NRXN3: variants seen among roughly 807,000 people sequenced by gnomAD.
NRXN3 encodes the protein neurexin III.
NRXN3 carries 32 observed loss-of-function variants against 137.6 expected under a neutral mutation model. The observed-to-expected ratio is 0.23, with a 90% CI of 0.18 to 0.31. The LOEUF is 0.31. Ranked by LOEUF, NRXN3 falls within the 10% of genes least tolerant of loss-of-function variation. The pLI, the probability that NRXN3 is intolerant of heterozygous loss-of-function variation, is 1.00. For missense variants in NRXN3, 1,574 were observed against 2,062.5 expected (o/e 0.76, Z 4.59); for synonymous variants, 798 against 784.5 (o/e 1.02, Z -0.29).
intron 15 of NRXN3, among the ~76,000 whole-genome samples, chr14:79,172,567 A>AT (rs1338931047): frequency 6.6e-6 from 1 of 152,190 alleles, no homozygotes; most frequent in Non-Finnish European, 1.5e-5. Context: ...CTAGGAGTAC[A>AT]TTTAACAAGA....
intron 8 of NRXN3, among the ~76,000 whole-genome samples, chr14:78,793,230 A>C (rs1036695789): frequency 7.2e-5 from 11 of 152,290 alleles, no homozygotes; most frequent in East Asian, 1.9e-4. Flanking sequence ...TACTCCCCCC[A>C]AAAAATAAAA....
chr14:78,428,641 A>G (rs929690988), intron 4 of NRXN3, among the ~76,000 whole-genome samples: 3 of 152,134 alleles, frequency 2.0e-5, no homozygotes, highest in Non-Finnish European at 4.4e-5. Flanking sequence ...CCCAAGCTCT[A>G]CAGGGTGAGT....
At chr14:79,300,525 T>G (rs889175976) in intron 15 of NRXN3, among the ~76,000 whole-genome samples, 3 of 151,908 alleles carry the variant, frequency 2.0e-5, no homozygotes, top group Non-Finnish European at 4.4e-5. Flanking sequence ...TGCCAGTTGG[T>G]TCTGGTTATT....
chr14:78,904,479 G>A (rs780917046), intron 10 of NRXN3, among the ~76,000 whole-genome samples: 7 of 151,938 alleles, frequency 4.6e-5, no homozygotes, highest in East Asian at 3.9e-4. Context: ...GCTGTTTTCC[G>A]CCTGTTGCAT....
chr14:78,950,190 C>T (rs1204398220), intron 10 of NRXN3, among the ~76,000 whole-genome samples: 1 of 152,112 alleles, frequency 6.6e-6, no homozygotes, highest in African/African-American at 2.4e-5. Flanking sequence ...ATCTTCCTGC[C>T]TATCCCTGAG....
intron 8 of NRXN3, among the ~76,000 whole-genome samples, chr14:78,760,276 A>C (rs185073370): frequency 6.6e-6 from 1 of 150,900 alleles, no homozygotes; most frequent in African/African-American, 2.4e-5. Flanking sequence ...TCCCGACCTC[A>C]GGTGATCCGC....
At chr14:78,419,326 C>T (rs987305500) in intron 4 of NRXN3, among the ~76,000 whole-genome samples, 2 of 152,136 alleles carry the variant, frequency 1.3e-5, no homozygotes, top group African/African-American at 4.8e-5. Context: ...ACAACTCTGC[C>T]TCTCAGGCCC....
chr14:79,398,056 G>A (rs2370976), intron 15 of NRXN3, among the ~76,000 whole-genome samples: 53,105 of 151,980 alleles, frequency 0.35, 9,543 homozygotes, highest in Admixed American at 0.4. Flanking sequence ...GCATTCATCA[G>A]CTTCCATCAG....
chr14:79,844,480 G>A (rs567191949), intron 20 of NRXN3, among the ~76,000 whole-genome samples: 1 of 151,922 alleles, frequency 6.6e-6, no homozygotes, highest in Middle Eastern at 3.4e-3. Flanking sequence ...ATTGCTTTTT[G>A]ATCCATGCAC....
intron 19 of NRXN3, among the ~76,000 whole-genome samples, chr14:79,792,823 T>A (rs2099149486): frequency 2.0e-5 from 3 of 152,192 alleles, no homozygotes; most frequent in Admixed American, 2.0e-4. Context: ...TTCCCTGTGA[T>A]CAGGTCTGAG....
At chr14:78,493,865 C>A (rs563707082) in intron 4 of NRXN3, among the ~76,000 whole-genome samples, 2 of 152,162 alleles carry the variant, frequency 1.3e-5, no homozygotes, top group Non-Finnish European at 2.9e-5. Context: ...TACTTAAGGT[C>A]CAGATTTTTT....
At chr14:79,688,924 A>C (rs1280665871) in intron 17 of NRXN3, among the ~76,000 whole-genome samples, 1 of 152,166 alleles carries the variant, frequency 6.6e-6, no homozygotes, top group African/African-American at 2.4e-5. Flanking sequence ...AAATGTGACT[A>C]ATATGTTTTT....
intron 1 of NRXN3, among the ~76,000 whole-genome samples, chr14:78,217,579 C>CTT (rs1254602680): frequency 6.6e-6 from 1 of 152,162 alleles, no homozygotes; most frequent in Non-Finnish European, 1.5e-5. Context: ...ATTATTCATT[C>CTT]TTTTTCATAC....
intron 16 of NRXN3, among the ~76,000 whole-genome samples, chr14:79,633,999 C>T (rs1238298652): frequency 6.9e-6 from 1 of 144,252 alleles, no homozygotes; most frequent in Non-Finnish European, 1.5e-5. Context: ...AAACACAAAA[C>T]CAAAACCACT....
At chr14:79,266,542 G>A (rs2078496911) in intron 15 of NRXN3, among the ~76,000 whole-genome samples, 1 of 152,036 alleles carries the variant, frequency 6.6e-6, no homozygotes, top group Admixed American at 6.6e-5. Context: ...CATTTTTCTG[G>A]CATTTAGTTC....
intron 16 of NRXN3, among the ~76,000 whole-genome samples, chr14:79,598,838 A>T (rs192337853): frequency 1.3e-5 from 2 of 152,302 alleles, no homozygotes; most frequent in African/African-American, 4.8e-5. Context: ...GAATGGCTTC[A>T]AATTTGACCA....
intron 4 of NRXN3, among the ~76,000 whole-genome samples, chr14:78,395,650 G>A (rs755476428): frequency 1.1e-4 from 16 of 151,892 alleles, no homozygotes; most frequent in Non-Finnish European, 1.6e-4. Flanking sequence ...TCATTTTTCC[G>A]TTTTCAGTTT....
At chr14:78,395,099 A>T (rs1321069825) in intron 4 of NRXN3, among the ~76,000 whole-genome samples, 1 of 150,840 alleles carries the variant, frequency 6.6e-6, no homozygotes, top group East Asian at 2.0e-4. Context: ...TTTACTTTGG[A>T]TTTATTATTT....
At chr14:79,824,507 G>C (rs2099286165) in intron 20 of NRXN3, among the ~76,000 whole-genome samples, 1 of 152,100 alleles carries the variant, frequency 6.6e-6, no homozygotes, top group Admixed American at 6.6e-5. Flanking sequence ...GTTGTGGAAG[G>C]GGGAAAAAGC....
Sources: allele counts gnomAD v4.1 joint callset (sites outside exome capture counted in the v4.1 genomes callset), GRCh38; gene constraint gnomAD v4.1.1; transcripts MANE v1.5; gene names NCBI Gene and HGNC (gene_info 2026-07-23, HGNC 2026-07-21).